ECT2L: variants seen among roughly 807,000 people sequenced by gnomAD.
The protein encoded by ECT2L is epithelial cell transforming 2 like.
ECT2L carries 126 observed loss-of-function variants against 122.8 expected under a neutral mutation model. The observed-to-expected ratio is 1.03, with a 90% CI of 0.89 to 1.19. The LOEUF (loss-of-function observed/expected upper bound fraction) is 1.19. Among genes scored for constraint, ECT2L ranks in the 50% most tolerant of loss-of-function variants. The probability of loss-of-function intolerance (pLI) is 0.00; values close to 1 mark genes in which losing one functional copy is unlikely to be tolerated. For synonymous variants in ECT2L, 385 were observed against 381.8 expected, an observed-to-expected ratio of 1.01 and a Z score of -0.10; for missense variants, 1,012 against 1,064.1, an observed-to-expected ratio of 0.95 and a Z score of 0.68.
intron 19 of ECT2L, among the ~76,000 whole-genome samples, chr6:138,888,317 CTTTTTT>C (rs71270363): frequency 3.9e-5 from 5 of 128,646 alleles, no homozygotes; most frequent in South Asian, 5.1e-4. Context: ...TTTTTCTTTT[CTTTTTT>C]TTTTTTTTTT....
intron 13 of ECT2L, among the ~76,000 whole-genome samples, chr6:138,874,227 C>CT (rs548638700): frequency 9.9e-5 from 15 of 151,938 alleles, no homozygotes; most frequent in African/African-American, 2.9e-4. Flanking sequence ...TCTTTGTGAG[C>CT]TTTTTTTTAA....
intron 9 of ECT2L, among the ~76,000 whole-genome samples, chr6:138,852,857 G>A (rs1777496964): frequency 6.6e-6 from 1 of 152,072 alleles, no homozygotes; most frequent in African/African-American, 2.4e-5. Flanking sequence ...AGTTTATCTC[G>A]TGTGGAATGT....
At chr6:138,845,214 A>G (rs941818856) in intron 7 of ECT2L, among the ~76,000 whole-genome samples, 1 of 151,504 alleles carries the variant, frequency 6.6e-6, no homozygotes, top group South Asian at 2.1e-4. Context: ...GCATCTGCTT[A>G]GAATTTCTTT....
intron 10 of ECT2L, among the ~76,000 whole-genome samples, chr6:138,858,672 TTA>T (rs1304852830): frequency 2.0e-5 from 3 of 150,820 alleles, no homozygotes; most frequent in Non-Finnish European, 4.4e-5. Context: ...TTCACATATA[TTA>T]GTTTTCATCT....
chr6:138,885,888 T>C, intron 18 of ECT2L, 58 bp downstream of exon 18: 1 of 1,531,820 alleles, frequency 6.5e-7, no homozygotes, highest in Non-Finnish European at 8.9e-7. Context: ...TTTGTGGTAC[T>C]CCCACTCAAA....
At chr6:138,901,495 C>T (rs959960851) in intron 21 of ECT2L, among the ~76,000 whole-genome samples, 4 of 152,164 alleles carry the variant, frequency 2.6e-5, no homozygotes, top group Non-Finnish European at 5.9e-5. Flanking sequence ...TATTACTTTC[C>T]CATTCTACTA....
At chr6:138,892,540 CT>C (rs1303645547) in intron 20 of ECT2L, among the ~76,000 whole-genome samples, 7 of 152,154 alleles carry the variant, frequency 4.6e-5, no homozygotes, top group Admixed American at 6.5e-5. Flanking sequence ...GTCACCCAGG[CT>C]GGAGTGCAGT....
At position 138,847,354 on chromosome 6, in the gene ECT2L, A is replaced by ATTTTTTT. The variant is rs1562471985; in HGVS notation, c.903+677_903+678insTTTTTTT. On this transcript the variant is annotated intron_variant, in intron 8 of 21. Coordinates refer to ENST00000541398, the MANE Select transcript of ECT2L (RefSeq NM_001077706.3). ...TTTTGAAAAAGCATTAAAGGCCCAA[A>ATTTTTTT]CTTTTTTTTTTTTTTTTTTTTTTTT... Among the ~76,000 whole-genome samples, 228 of 111,026 alleles carry ATTTTTTT rather than the reference A, an allele frequency of 2.1e-3. 10 individuals carry two copies. The highest frequency in any genetic ancestry group is 8.8e-3 in the African/African-American group (218 of 24,908). 72.8% of individuals were successfully genotyped at this position (111,026 alleles called of 152,430 possible). A position where few individuals can be genotyped will look rare whatever the true frequency, so the allele number is the denominator to read the frequency against.
intron 14 of ECT2L, among the ~76,000 whole-genome samples, chr6:138,878,530 T>C (rs1321229086): frequency 6.6e-6 from 1 of 152,202 alleles, no homozygotes; most frequent in African/African-American, 2.4e-5. Context: ...CACTGCAACC[T>C]CTGCCTCCCA....
chr6:138,809,914 A>T (rs922733181), intron 1 of ECT2L, among the ~76,000 whole-genome samples: 1 of 152,226 alleles, frequency 6.6e-6, no homozygotes, highest in Non-Finnish European at 1.5e-5. Context: ...ATTACCATCC[A>T]GTCTGACAGC....
intron 1 of ECT2L, among the ~76,000 whole-genome samples, chr6:138,803,514 TAAC>T (rs1472177154): frequency 6.6e-6 from 1 of 152,226 alleles, no homozygotes; most frequent in African/African-American, 2.4e-5. Flanking sequence ...GGATTTCACA[TAAC>T]AACAGCTGGG....
At chr6:138,890,366 T>C (rs1395722577) in intron 20 of ECT2L, among the ~76,000 whole-genome samples, 3 of 152,132 alleles carry the variant, frequency 2.0e-5, no homozygotes, top group Admixed American at 2.0e-4. Context: ...AGGCACAGGG[T>C]AGCAGGGTAG....
At chr6:138,813,081 C>G in intron 2 of ECT2L, 91 bp from the exon 3 acceptor site, 1 of 496,416 alleles carries the variant, frequency 2.0e-6, no homozygotes, top group East Asian at 3.1e-5. Context: ...CACACGTACA[C>G]ACATGAATTA....
At chr6:138,853,200 T>G (rs1777509075) in intron 9 of ECT2L, among the ~76,000 whole-genome samples, 1 of 152,168 alleles carries the variant, frequency 6.6e-6, no homozygotes, top group Non-Finnish European at 1.5e-5. Flanking sequence ...ACTCCTGACC[T>G]TGTGATCCAC....
intron 4 of ECT2L, among the ~76,000 whole-genome samples, chr6:138,837,969 C>T (rs1176979576): frequency 2.6e-5 from 4 of 151,134 alleles, no homozygotes; most frequent in East Asian, 3.9e-4. Context: ...AGCACGGTCT[C>T]GGCTCACTGC....
intron 10 of ECT2L, among the ~76,000 whole-genome samples, chr6:138,860,549 C>T (rs1214000714): frequency 6.6e-6 from 1 of 152,044 alleles, no homozygotes; most frequent in African/African-American, 2.4e-5. Context: ...CTTTCAGCTG[C>T]TGTCATCCTG....
chr6:138,878,759 T>C (rs1219612352), intron 14 of ECT2L: 1 of 152,366 alleles, frequency 6.6e-6, no homozygotes, highest in African/African-American at 2.4e-5. Context: ...GGAGGTCTTT[T>C]CACAGAAGCA....
chr6:138,813,382 G>T, intron 3 of ECT2L, 42 bp downstream of exon 3: 1 of 1,496,832 alleles, frequency 6.7e-7, no homozygotes, highest in South Asian at 1.2e-5. Context: ...TAATTCGTAA[G>T]GTTAATTTTC....
Position 138,883,700 on chromosome 6 carries a change from T to C in ECT2L, c.2028+829T>C, listed in dbSNP as rs140955624. ...TGATTCAAAAGTTACATAAATAAGG[T>C]AGTTTCATAGAACCGACCTTGGAGA... On this transcript the variant is annotated intron_variant, in intron 16 of 21. Coordinates refer to ENST00000541398, the MANE Select transcript of ECT2L (RefSeq NM_001077706.3). Among the ~76,000 whole-genome samples, 32 of 152,298 alleles carry C rather than the reference T, an allele frequency of 2.1e-4. No individual in the cohort carries two copies. The East Asian group carries it at 6.2e-3, about 29-fold the overall frequency.
Sources: gnomAD v4.1 joint callset for allele counts (sites outside exome capture counted in the v4.1 genomes callset) on GRCh38, gnomAD v4.1.1 for gene constraint, MANE v1.5 for transcripts, NCBI Gene and HGNC (gene_info 2026-07-23, HGNC 2026-07-21) for gene names.